The following SLC25A20 variants were observed in gnomAD, a reference collection of about 807,000 sequenced individuals.
The protein encoded by SLC25A20 is mitochondrial carnitine/acylcarnitine carrier protein.
Under a neutral mutation model 39.7 loss-of-function variants are expected in SLC25A20, and 29 were observed. The ratio of observed to expected loss-of-function variants is 0.73; its 90% CI spans 0.54 to 1.00. The LOEUF (loss-of-function observed/expected upper bound fraction) is 1.00. SLC25A20 is among the 50% of genes least tolerant of loss of function. The pLI is 0.00. For missense variants in SLC25A20, 333 were observed against 379.9 expected, an observed-to-expected ratio of 0.88 and a Z score of 1.03; for synonymous variants, 103 against 142.2, an observed-to-expected ratio of 0.72 and a Z score of 1.96.
intron 4 of SLC25A20, among the ~76,000 whole-genome samples, chr3:48,867,992 C>T (rs2083685586): frequency 1.3e-5 from 2 of 151,198 alleles, no homozygotes; most frequent in African/African-American, 4.9e-5. Context: ...ACCTGGGAGG[C>T]GGAGGTTGCG....
At chr3:48,859,009 G>A (rs2083602396) in intron 7 of SLC25A20, 83 bp downstream of exon 7, 1 of 1,055,160 alleles carries the variant, frequency 9.5e-7, no homozygotes, top group South Asian at 1.3e-5. Context: ...AGTATCCCTA[G>A]GGCCTTATGA....
chr3:48,897,369 T>TATA (rs1559673766), intron 1 of SLC25A20, among the ~76,000 whole-genome samples: 168 of 93,252 alleles, frequency 1.8e-3, no homozygotes, highest in African/African-American at 5.8e-3. Flanking sequence ...ATATATATAT[T>TATA]TTTTTTTTTT....
At chr3:48,877,903 A>G (rs779047934) in intron 4 of SLC25A20, among the ~76,000 whole-genome samples, 8 of 152,106 alleles carry the variant, frequency 5.3e-5, no homozygotes, top group Non-Finnish European at 8.8e-5. Context: ...TACACTTGTG[A>G]CATTTTTGTT....
rs2083812796 is a variant in SLC25A20, at chr3:48,883,989, G to A, written c.326+8C>T. Reference sequence around the variant, plus strand: ...AACAGCAAGTGCTCCTGACCTGTAAGTACTCACCTGAGCACATCTTCTGGG... The same window carrying A: ...AACAGCAAGTGCTCCTGACCTGTAAATACTCACCTGAGCACATCTTCTGGG... On this transcript the variant is annotated splice_region_variant and intron_variant, in intron 3 of 8. Coordinates refer to ENST00000319017, the MANE Select transcript of SLC25A20 (RefSeq NM_000387.6). 3.7e-6 allele frequency: 6 copies of A among 1,612,950 alleles called. No individual in the cohort carries two copies. The highest frequency in any genetic ancestry group is 1.3e-5 in the African/African-American group (1 of 74,876).
rs1312882974 is a variant in SLC25A20 at position 48,857,737 on chromosome 3, G to A, written c.879C>T (p.Phe293=). 2 of 1,613,780 alleles carry A rather than the reference G, an allele frequency of 1.2e-6. No individual in the cohort carries two copies. Among genetic ancestry groups the A allele is most frequent in the Admixed American group, 1.7e-5 (1 of 59,922 alleles). ...ACAAGTTGGGGGTGGCCCAATTAAG[G>A]AACTTCATGGCAACTTCAAAGCCAA... The part of the protein sequence containing the change: ...CFLGFEVAMK[F]LNWATPNL The change falls in exon 9 of 9, where the codon TTC becomes TTT. Residue 293 remains phenylalanine (F), a synonymous_variant. Coordinates refer to ENST00000319017, the MANE Select transcript of SLC25A20 (RefSeq NM_000387.6).
At position 48,857,036 on chromosome 3, in the gene SLC25A20, A is replaced by C. The variant is rs2083584967; in HGVS notation, c.*674T>G. The C allele has an allele frequency of 6.6e-6, 1 of 152,666 alleles. No homozygotes were observed. Among genetic ancestry groups the C allele is most frequent in the Non-Finnish European group, 1.5e-5 (1 of 68,408 alleles). The allele number at this position is 152,666 out of a possible 1,614,324, so 9.5% of individuals were successfully genotyped here. A position where few individuals can be genotyped will look rare whatever the true frequency, so the allele number is the denominator to read the frequency against. On this transcript the variant is annotated 3_prime_UTR_variant, in exon 9 of 9. Coordinates refer to ENST00000319017, the MANE Select transcript of SLC25A20 (RefSeq NM_000387.6). ...CCTGGGCTTTCTCACTTATCCCAGC[A>C]GACTGGGACTGTCCTCACTGTGTAG...
Position 48,862,613 on chromosome 3 carries a change from C to T in SLC25A20, c.464G>A (p.Cys155Tyr). 5.0e-6 allele frequency: 8 copies of T among 1,614,058 alleles called. No individual in the cohort carries two copies. The highest frequency in any genetic ancestry group is 2.2e-5 in the East Asian group (1 of 44,874). Residue 155 changes from cysteine to tyrosine, a missense_variant, in exon 5 of 9, where the codon TGT (cysteine) becomes TAT (tyrosine). Cys to Tyr is a radical substitution (Grantham distance 194, BLOSUM62 -2). Coordinates refer to ENST00000319017, the MANE Select transcript of SLC25A20 (RefSeq NM_000387.6). ...AAACTCCTGGTACAGCTTCTTTGCA[C>T]AGTCCAAGGTACCAGTGTACTTGCT... ...GESKYTGTLD[C>Y]AKKLYQEFGI...
At chr3:48,893,085 G>GGT (rs1171027863) in intron 1 of SLC25A20, among the ~76,000 whole-genome samples, 2 of 151,260 alleles carry the variant, frequency 1.3e-5, no homozygotes, top group Non-Finnish European at 2.9e-5. Flanking sequence ...GGAGTGCGGC[G>GGT]GTGTGGTCAA....
chr3:48,889,361 G>A (rs1235513719), intron 2 of SLC25A20, among the ~76,000 whole-genome samples: 1 of 151,572 alleles, frequency 6.6e-6, no homozygotes, highest in African/African-American at 2.4e-5. Context: ...CTGTAGTCAA[G>A]CCTGGGCAAC....
At chr3:48,898,079 C>T (rs1172911758) in intron 1 of SLC25A20, among the ~76,000 whole-genome samples, 1 of 152,192 alleles carries the variant, frequency 6.6e-6, no homozygotes, top group East Asian at 1.9e-4. Flanking sequence ...TTGTGCAAAG[C>T]TGATCACCTT....
At chr3:48,875,439 T>C (rs1240395172) in intron 4 of SLC25A20, among the ~76,000 whole-genome samples, 4 of 152,048 alleles carry the variant, frequency 2.6e-5, no homozygotes, top group Non-Finnish European at 4.4e-5. Flanking sequence ...ATTTAGTTTT[T>C]CGCTTTGTCA....
chr3:48,881,838 G>C (rs1575988457), intron 3 of SLC25A20, among the ~76,000 whole-genome samples: 2 of 152,100 alleles, frequency 1.3e-5, no homozygotes, highest in African/African-American at 4.8e-5. Flanking sequence ...ACTATCAATG[G>C]GCAAATGCAG....
intron 1 of SLC25A20, among the ~76,000 whole-genome samples, chr3:48,897,076 C>CT (rs11390016): frequency 0.66 from 85,461 of 129,548 alleles, 28,802 homozygotes; most frequent in East Asian, 0.95. Context: ...TCTTCTTCTC[C>CT]TTTTTTTTTT....
chr3:48,894,388 G>A (rs536902250), intron 1 of SLC25A20, among the ~76,000 whole-genome samples: 17 of 148,240 alleles, frequency 1.1e-4, no homozygotes, highest in Middle Eastern at 3.6e-3. Context: ...AGCCTCCCGC[G>A]TAGCTGGGAT....
intron 2 of SLC25A20, among the ~76,000 whole-genome samples, chr3:48,888,367 T>C (rs2083848201): frequency 6.7e-6 from 1 of 149,484 alleles, no homozygotes; most frequent in African/African-American, 2.5e-5. Context: ...GTCAGGAGTT[T>C]GAGACCAGCT....
chr3:48,859,072 C>T lies in SLC25A20; in HGVS notation c.718+20G>A. 2 of 1,602,502 alleles carry T rather than the reference C, an allele frequency of 1.2e-6. No individual in the cohort carries two copies. Among genetic ancestry groups the T allele is most frequent in the Non-Finnish European group, 1.7e-6 (2 of 1,170,018 alleles). Reference sequence around the variant, plus strand: ...TGGGGACCCACTCTCCCCCTGTCCACCCCACTACCTTCCACTCACCAGTCT... The same window carrying T: ...TGGGGACCCACTCTCCCCCTGTCCATCCCACTACCTTCCACTCACCAGTCT... On this transcript the variant is annotated intron_variant, in intron 7 of 8. Transcript: ENST00000319017.
At chr3:48,895,556 C>A (rs2083904958) in intron 1 of SLC25A20, among the ~76,000 whole-genome samples, 1 of 152,194 alleles carries the variant, frequency 6.6e-6, no homozygotes, top group African/African-American at 2.4e-5. Flanking sequence ...TCTTTGGAAT[C>A]TCTTATTCTT....
At chr3:48,897,313 T>C (rs1021882594) in intron 1 of SLC25A20, among the ~76,000 whole-genome samples, 33 of 147,990 alleles carry the variant, frequency 2.2e-4, no homozygotes, top group African/African-American at 7.9e-4. Flanking sequence ...ACAAAGGTGA[T>C]ATGGAGGTAG....
chr3:48,868,994 A>G (rs1575982731), intron 4 of SLC25A20, among the ~76,000 whole-genome samples: 1 of 152,170 alleles, frequency 6.6e-6, no homozygotes. Flanking sequence ...CTAGAGTGCT[A>G]GTGGACACAC....
Sources: gnomAD v4.1 joint callset for allele counts (sites outside exome capture counted in the v4.1 genomes callset) on GRCh38, gnomAD v4.1.1 for gene constraint, MANE v1.5 for transcripts, NCBI Gene and HGNC (gene_info 2026-07-23, HGNC 2026-07-21) for gene names.